The following NALCN variants were observed in gnomAD, a reference collection of about 807,000 sequenced individuals.
NALCN encodes sodium leak channel, non-selective.
A neutral mutation model predicts 225.3 loss-of-function variants in NALCN; 111 were observed. The observed-to-expected ratio is 0.49, with a 90% CI of 0.42 to 0.58. The LOEUF (loss-of-function observed/expected upper bound fraction) is 0.58, where lower values mean the gene tolerates loss of function less well. NALCN is among the 20% of genes least tolerant of loss of function. NALCN has a pLI of 0.00. For synonymous variants in NALCN, 764 were observed against 769.0 expected (o/e 0.99, Z 0.11); for missense variants, 1,378 against 2,202.4 (o/e 0.63, Z 7.49).
intron 11 of NALCN, among the ~76,000 whole-genome samples, chr13:101,245,719 C>T (rs1009705240): frequency 1.3e-5 from 2 of 152,082 alleles, no homozygotes; most frequent in African/African-American, 2.4e-5. Context: ...TTCACACTGA[C>T]TTCTTAGAAC....
chr13:101,245,625 T>C (rs975853650), intron 11 of NALCN, among the ~76,000 whole-genome samples: 13 of 152,210 alleles, frequency 8.5e-5, no homozygotes, highest in African/African-American at 2.7e-4. Context: ...CTGTTGAGAA[T>C]GCATGCTCAA....
intron 14 of NALCN, among the ~76,000 whole-genome samples, chr13:101,185,408 G>A (rs751832644): frequency 6.6e-6 from 1 of 152,182 alleles, no homozygotes; most frequent in Non-Finnish European, 1.5e-5. Flanking sequence ...TTTCTTTTCA[G>A]TATTCACATC....
At chr13:101,359,507 A>T (rs1308239284) in intron 6 of NALCN, among the ~76,000 whole-genome samples, 1 of 152,236 alleles carries the variant, frequency 6.6e-6, no homozygotes, top group Non-Finnish European at 1.5e-5. Flanking sequence ...CACATCATAA[A>T]AATTTGTCCT....
intron 3 of NALCN, among the ~76,000 whole-genome samples, chr13:101,387,178 G>A (rs911108500): frequency 4.5e-5 from 6 of 133,682 alleles, no homozygotes; most frequent in Non-Finnish European, 3.1e-5. Flanking sequence ...CCGAGATTGC[G>A]CCACTGCAGT....
At chr13:101,134,733 T>A (rs2036686578) in intron 17 of NALCN, among the ~76,000 whole-genome samples, 1 of 152,124 alleles carries the variant, frequency 6.6e-6, no homozygotes, top group Admixed American at 6.5e-5. Flanking sequence ...TGCACGTGAA[T>A]GTTATGACAA....
chr13:101,103,613 C>T (rs1291129278), intron 25 of NALCN, among the ~76,000 whole-genome samples: 1 of 152,090 alleles, frequency 6.6e-6, no homozygotes, highest in Non-Finnish European at 1.5e-5. Flanking sequence ...TTTTAACTTA[C>T]TACTCTGGAG....
At chr13:101,291,679 C>G (rs933345279) in intron 9 of NALCN, among the ~76,000 whole-genome samples, 1 of 152,182 alleles carries the variant, frequency 6.6e-6, no homozygotes, top group Non-Finnish European at 1.5e-5. Context: ...TACTGAGTAG[C>G]TGGGACTACA....
rs527799819 is a variant in NALCN, at chr13:101,131,448, G to A, written c.2119-6767C>T. On this transcript the variant is annotated intron_variant, in intron 17 of 43. Transcript: ENST00000251127. Reference sequence around the variant, plus strand: ...TTCTAACTTCAGAGTTTCCTCTTCTGTTGTTTTAATATATCGATCAAATAT... The same window carrying A: ...TTCTAACTTCAGAGTTTCCTCTTCTATTGTTTTAATATATCGATCAAATAT... Among the ~76,000 whole-genome samples the A allele has an allele frequency of 1.6e-3, 240 of 152,160 alleles. 1 individual carries two copies. The highest frequency in any genetic ancestry group is 5.6e-3 in the African/African-American group (233 of 41,530).
In NALCN at chr13:101,089,581, C is replaced by T. The variant is rs946244411; in HGVS notation, c.3489+82G>A. 8 of 1,249,856 alleles carry T rather than the reference C, an allele frequency of 6.4e-6. No homozygotes were observed. The highest frequency in any genetic ancestry group is 5.1e-5 in the South Asian group (4 of 77,796). The allele number at this position is 1,249,856 out of a possible 1,614,324, so 77.4% of individuals were successfully genotyped here. On this transcript the variant is annotated intron_variant, in intron 30 of 43. Transcript: ENST00000251127. The surrounding 1 kb of genome is among the most constrained non-coding windows in gnomAD (Gnocchi z 4.7). ...ATTACAGTTTAAAGCGGCTTCACGC[C>T]GCGTGTGAAAAGAAACAAATAGCTC...
At chr13:101,303,164 C>T (rs528886868) in intron 7 of NALCN, among the ~76,000 whole-genome samples, 1 of 152,176 alleles carries the variant, frequency 6.6e-6, no homozygotes, top group East Asian at 1.9e-4. Flanking sequence ...TTGATAACTT[C>T]CAAGCTCTTT....
intron 6 of NALCN, among the ~76,000 whole-genome samples, chr13:101,369,842 T>C (rs2046488020): frequency 2.0e-5 from 3 of 152,310 alleles, no homozygotes; most frequent in African/African-American, 7.2e-5. Context: ...CATTTGTCTC[T>C]TCCCTCACCC....
intron 9 of NALCN, 132 bp from the exon 10 acceptor site, chr13:101,284,151 C>A: frequency 1.5e-6 from 1 of 659,502 alleles, no homozygotes; most frequent in Non-Finnish European, 2.5e-6. Flanking sequence ...GGAATGAAGT[C>A]ATTTCAATTA....
chr13:101,153,442 C>T (rs559427247), intron 15 of NALCN, among the ~76,000 whole-genome samples: 1 of 152,160 alleles, frequency 6.6e-6, no homozygotes, highest in African/African-American at 2.4e-5. Context: ...AATTTCTTCT[C>T]GTTTGCTATG....
intron 13 of NALCN, among the ~76,000 whole-genome samples, chr13:101,199,253 C>T (rs1182220903): frequency 6.6e-6 from 1 of 151,712 alleles, no homozygotes; most frequent in Non-Finnish European, 1.5e-5. Flanking sequence ...CAAACCTGCA[C>T]ATTGTGCACA....
At chr13:101,074,711 AG>A in intron 35 of NALCN, 49 bp from the exon 36 acceptor site, 1 of 1,355,406 alleles carries the variant, frequency 7.4e-7, no homozygotes, top group Non-Finnish European at 9.9e-7. Context: ...AGAGAGAGAG[AG>A]ACAGAGACAG....
chr13:101,312,243 TTC>T (rs1158934934), intron 7 of NALCN, among the ~76,000 whole-genome samples: 2 of 152,230 alleles, frequency 1.3e-5, no homozygotes, highest in Non-Finnish European at 2.9e-5. Flanking sequence ...TATTTGATTC[TTC>T]TCTCTTTTCT....
intron 12 of NALCN, among the ~76,000 whole-genome samples, chr13:101,231,597 A>C (rs1003853172): frequency 1.3e-5 from 2 of 152,202 alleles, no homozygotes; most frequent in Non-Finnish European, 2.9e-5. Context: ...CCAAATTCAG[A>C]GATATTAACA....
chr13:101,325,030 A>C (rs2044892727), intron 7 of NALCN, among the ~76,000 whole-genome samples: 1 of 152,060 alleles, frequency 6.6e-6, no homozygotes, highest in Non-Finnish European at 1.5e-5. Flanking sequence ...AAAGGATTAA[A>C]CTTCTGGACA....
chr13:101,115,600 T>G (rs1198510773), intron 18 of NALCN, among the ~76,000 whole-genome samples: 1 of 152,214 alleles, frequency 6.6e-6, no homozygotes, highest in Non-Finnish European at 1.5e-5. Context: ...TATTCCATTT[T>G]GTTATATTTT....
Sources: allele counts gnomAD v4.1 joint callset (sites outside exome capture counted in the v4.1 genomes callset), GRCh38; gene constraint gnomAD v4.1.1; non-coding constraint Gnocchi (gnomAD v3.1); transcripts MANE v1.5; gene names NCBI Gene and HGNC (gene_info 2026-07-23, HGNC 2026-07-21).